Variants in NUDC observed in about 807,000 individuals in gnomAD.
NUDC encodes nuclear distribution C, dynein complex regulator.
A neutral mutation model predicts 45.0 loss-of-function variants in NUDC; 14 were observed. The observed-to-expected ratio is 0.31, with a 90% confidence interval of 0.21 to 0.49. The LOEUF (loss-of-function observed/expected upper bound fraction) is 0.49, where lower values mean the gene tolerates loss of function less well. Among genes scored for constraint, NUDC ranks in the 20% least tolerant of loss-of-function variants. The probability of loss-of-function intolerance (pLI) is 0.99; values close to 1 mark genes in which losing one functional copy is unlikely to be tolerated. For missense variants in NUDC, 323 were observed against 426.2 expected (o/e 0.76, Z 2.13); for synonymous variants, 153 against 156.7 (o/e 0.98, Z 0.17).
At chr1:26,923,881 G>C (rs547767274) in intron 1 of NUDC, among the ~76,000 whole-genome samples, 1 of 152,248 alleles carries the variant, frequency 6.6e-6, no homozygotes, top group East Asian at 1.9e-4. Flanking sequence ...AAAGTGAAAG[G>C]CGCACACACA....
chr1:26,929,505 T>A (rs1315481905), intron 2 of NUDC, among the ~76,000 whole-genome samples: 1 of 152,130 alleles, frequency 6.6e-6, no homozygotes, highest in Non-Finnish European at 1.5e-5. Context: ...TAGGGATGAT[T>A]GAGAGTATGC....
intron 2 of NUDC, among the ~76,000 whole-genome samples, chr1:26,932,742 C>A (rs563415993): frequency 1.3e-5 from 2 of 152,264 alleles, no homozygotes; most frequent in African/African-American, 4.8e-5. Context: ...TAAGCAACTT[C>A]GCTTTGTTCC....
At chr1:26,925,538 CAA>C (rs71010305) in intron 2 of NUDC, among the ~76,000 whole-genome samples, 63 of 43,358 alleles carry the variant, frequency 1.5e-3, no homozygotes, top group Middle Eastern at 0.014. Flanking sequence ...GACTCCGTCT[CAA>C]AAAAAAAAAA....
At chr1:26,911,899 G>T in intron 3 of NUDC, 1 of 1,614,166 alleles carries the variant, frequency 6.2e-7, no homozygotes, top group Non-Finnish European at 8.5e-7. Context: ...CATCTCCAAT[G>T]ATAGGGCGAA....
intron 2 of NUDC, among the ~76,000 whole-genome samples, chr1:26,931,624 C>A (rs1284675251): frequency 6.8e-6 from 1 of 147,880 alleles, no homozygotes; most frequent in Non-Finnish European, 1.5e-5. Flanking sequence ...ACTAAAAATA[C>A]AAAAATTAGC....
intron 1 of NUDC, among the ~76,000 whole-genome samples, chr1:26,901,953 C>T (rs1316239870): frequency 6.6e-6 from 1 of 152,120 alleles, no homozygotes; most frequent in African/African-American, 2.4e-5. Flanking sequence ...TGGCAAGACC[C>T]TTGTCTAAAC....
rs780173746 is a variant in NUDC at position 26,913,688 on chromosome 1, G to A, written c.93+2453G>A. ...CCCCAGCAACCCTGCAGCAGCCGCC[G>A]CTGGTCCTGGGGAGGCAGCTGCCAG... On this transcript the variant is annotated intron_variant, in intron 3 of 6. Transcript: ENST00000435827. The A allele has an allele frequency of 2.1e-5, 34 of 1,612,586 alleles. No individual in the cohort carries two copies. The highest frequency in any genetic ancestry group is 2.8e-5 in the Non-Finnish European group (33 of 1,179,134).
chr1:26,921,717 C>A (rs2082091755), upstream of NUDC: 3 of 983,448 alleles, frequency 3.1e-6, no homozygotes, highest in African/African-American at 1.6e-5. Flanking sequence ...TGGGCAGCCG[C>A]GCGCGTGCGT....
chr1:26,900,373 A>T, exon 1 of NUDC: 41 of 1,614,024 alleles, frequency 2.5e-5, no homozygotes, highest in Non-Finnish European at 3.4e-5. Flanking sequence ...GCCGAGCGCA[A>T]CACGGAGGGG....
In NUDC at chr1:26,946,679, C is replaced by T. The variant is rs2082319710; in HGVS notation, c.*498C>T. ...CCAGCTTGGCCAACATGGAGAAACC[C>T]AGTCTCTACTAAAAATACAAAAATT... On this transcript the variant is annotated 3_prime_UTR_variant, in exon 9 of 9. Coordinates refer to ENST00000321265, the MANE Select transcript of NUDC (RefSeq NM_006600.4). 1 of 194,774 alleles carries T rather than the reference C, an allele frequency of 5.1e-6. No individual in the cohort carries two copies. Among genetic ancestry groups the T allele is most frequent in the Non-Finnish European group, 1.1e-5 (1 of 93,200 alleles). The allele number at this position is 194,774 out of a possible 1,614,324, so 12.1% of individuals were successfully genotyped here.
At chr1:26,928,077 A>G (rs1359903834) in intron 2 of NUDC, among the ~76,000 whole-genome samples, 2 of 152,212 alleles carry the variant, frequency 1.3e-5, no homozygotes, top group East Asian at 3.8e-4. Flanking sequence ...GAATACAGCC[A>G]TAGTGATCTA....
chr1:26,923,534 G>A (rs1341343636), intron 1 of NUDC, among the ~76,000 whole-genome samples: 1 of 151,898 alleles, frequency 6.6e-6, no homozygotes, highest in Non-Finnish European at 1.5e-5. Flanking sequence ...GCGGTGGCAC[G>A]ATCTTGGCTC....
Position 26,941,085 on chromosome 1 carries a change from CTTTTTTTTTTT to C in NUDC, c.160-357_160-347del, listed in dbSNP as rs772114445. On this transcript the variant is annotated intron_variant, in intron 2 of 8. Coordinates refer to ENST00000321265, the MANE Select transcript of NUDC (RefSeq NM_006600.4). ...TACAGGCCCCCGCCACCATGCCCAGCTTTTTTTTTTTTTTTTTTTTTTTTTGTATTTTTGGT... is the reference window on the plus strand; with the variant it reads ...TACAGGCCCCCGCCACCATGCCCAGCTTTTTTTTTTTTTTGTATTTTTGGT... Among the ~76,000 whole-genome samples the C allele has an allele frequency of 2.3e-3, 213 of 91,376 alleles. 1 individual carries two copies. The highest frequency in any genetic ancestry group is 9.4e-3 in the African/African-American group (202 of 21,524). The allele number at this position is 91,376 out of a possible 152,430, so 59.9% of individuals were successfully genotyped here.
chr1:26,913,995 G>T, intron 3 of NUDC: 4 of 1,344,818 alleles, frequency 3.0e-6, no homozygotes, highest in Non-Finnish European at 2.9e-6. Flanking sequence ...TGCGCTGTGG[G>T]TGCTATTTAT....
intron 2 of NUDC, among the ~76,000 whole-genome samples, chr1:26,907,749 A>C (rs1169040740): frequency 6.6e-6 from 1 of 152,228 alleles, no homozygotes; most frequent in African/African-American, 2.4e-5. Context: ...GGGCCTGAGG[A>C]CAGGAATCAT....
intron 2 of NUDC, among the ~76,000 whole-genome samples, chr1:26,909,078 G>A (rs1418243897): frequency 1.3e-5 from 2 of 152,072 alleles, no homozygotes; most frequent in Non-Finnish European, 1.5e-5. Flanking sequence ...AGGTTCAACC[G>A]ATTCTCCTGT....
At position 26,904,699 on chromosome 1, in the gene NUDC, G is replaced by A. The variant is rs150962449; in HGVS notation, c.-16+2333G>A. Among the ~76,000 whole-genome samples, 53 of 152,182 alleles carry A rather than the reference G, an allele frequency of 3.5e-4. No homozygotes were observed. The East Asian group carries it at 8.1e-3, about 23-fold the overall frequency. ...TGTCACTTATTAACTGTGTAACCTCGAGCACTTTACTTAATCTCTCTGTAC... is the reference window on the plus strand; with the variant it reads ...TGTCACTTATTAACTGTGTAACCTCAAGCACTTTACTTAATCTCTCTGTAC... On this transcript the variant is annotated intron_variant, in intron 2 of 6. Transcript: ENST00000435827.
chr1:26,907,233 C>T (rs755219179), intron 2 of NUDC, among the ~76,000 whole-genome samples: 8 of 152,178 alleles, frequency 5.3e-5, no homozygotes, highest in Non-Finnish European at 1.0e-4. Context: ...CCTGTTCATT[C>T]TCTTTAGCTC....
chr1:26,943,410 G>A (rs1378759865), intron 6 of NUDC, among the ~76,000 whole-genome samples: 1 of 152,046 alleles, frequency 6.6e-6, no homozygotes. Flanking sequence ...AGACCGGGGG[G>A]TCTCACTATA....
Sources: allele counts gnomAD v4.1 joint callset (sites outside exome capture counted in the v4.1 genomes callset), GRCh38; gene constraint gnomAD v4.1.1; transcripts MANE v1.5; gene names NCBI Gene and HGNC (gene_info 2026-07-23, HGNC 2026-07-21).